Variants in TMEM209 observed in about 807,000 individuals in gnomAD.
TMEM209 encodes the protein transmembrane protein 209.
Under a neutral mutation model 76.2 loss-of-function variants are expected in TMEM209, and 65 were observed. That is an observed-to-expected ratio of 0.85 (90% CI 0.70 to 1.05). The LOEUF (loss-of-function observed/expected upper bound fraction) is 1.05. TMEM209 is among the 50% of genes least tolerant of loss of function. The pLI, the probability that TMEM209 is intolerant of heterozygous loss-of-function variation, is 0.00. For missense variants in TMEM209, 623 were observed against 685.5 expected, an observed-to-expected ratio of 0.91 and a Z score of 1.02; for synonymous variants, 239 against 237.6, an observed-to-expected ratio of 1.01 and a Z score of -0.06.
Position 130,178,653 on chromosome 7 carries a change from A to G in TMEM209, c.1121-126T>C, listed in dbSNP as rs144985038. On this transcript the variant is annotated intron_variant, in intron 9 of 14. Coordinates refer to ENST00000397622, the MANE Select transcript of TMEM209 (RefSeq NM_032842.4). ...TACCTTCAGGTCTTCATACAAGTCA[A>G]TGACGTCTCCCCTGACGACCCTACC... 2.9e-4 allele frequency: 319 copies of G among 1,092,854 alleles called. No individual in the cohort carries two copies. In the East Asian group the frequency reaches 7.2e-3, roughly 25 times the overall value. 67.7% of individuals were successfully genotyped at this position (1,092,854 alleles called of 1,614,324 possible).
intron 1 of TMEM209, 62 bp downstream of exon 1, chr7:130,205,311 G>C: frequency 1.2e-6 from 2 of 1,613,604 alleles, no homozygotes; most frequent in Non-Finnish European, 8.5e-7. Context: ...AGCAGGCGCG[G>C]AACTCCCACA....
intron 5 of TMEM209, among the ~76,000 whole-genome samples, chr7:130,199,566 T>C (rs973150421): frequency 1.7e-4 from 26 of 152,164 alleles, no homozygotes; most frequent in African/African-American, 5.8e-4. Context: ...TCTTTTAAGA[T>C]TTTAAAAAAA....
At chr7:130,182,310 T>C (rs542701346) in intron 8 of TMEM209, among the ~76,000 whole-genome samples, 1 of 152,326 alleles carries the variant, frequency 6.6e-6, no homozygotes, top group African/African-American at 2.4e-5. Flanking sequence ...AACTTTTAGC[T>C]ATATGTTAAA....
chr7:130,184,309 AATC>A, intron 7 of TMEM209, 54 bp from the exon 8 acceptor site: 2 of 1,302,782 alleles, frequency 1.5e-6, no homozygotes, highest in Non-Finnish European at 2.1e-6. Flanking sequence ...TCTTGATAGA[AATC>A]ATCATTCTTT....
chr7:130,198,343 G>A (rs1798063247), intron 5 of TMEM209, among the ~76,000 whole-genome samples: 1 of 152,100 alleles, frequency 6.6e-6, no homozygotes, highest in African/African-American at 2.4e-5. Flanking sequence ...GGGCGAGGTG[G>A]CTCATGCCTG....
At chr7:130,175,424 T>C (rs1797200892) in intron 11 of TMEM209, 88 bp downstream of exon 11, 2 of 1,247,826 alleles carry the variant, frequency 1.6e-6, no homozygotes, top group Non-Finnish European at 2.3e-6. Context: ...ACTGTGCCAC[T>C]GCACTACAGC....
At chr7:130,173,788 G>GA in intron 12 of TMEM209, 37 bp downstream of exon 12, 1 of 1,604,554 alleles carries the variant, frequency 6.2e-7, no homozygotes, top group Non-Finnish European at 8.5e-7. Context: ...TATTTTGTGT[G>GA]AAAATCTCAA....
chr7:130,168,607 C>T (rs1266702598), intron 14 of TMEM209, among the ~76,000 whole-genome samples: 1 of 152,050 alleles, frequency 6.6e-6, no homozygotes, highest in Non-Finnish European at 1.5e-5. Flanking sequence ...CCAAGATATG[C>T]CATAAGCCTA....
rs746330873 is a variant in TMEM209 at position 130,205,403 on chromosome 7, C to G, written c.-28G>C. The G allele has an allele frequency of 1.2e-6, 2 of 1,613,680 alleles. No homozygotes were observed. Among genetic ancestry groups the G allele is most frequent in the Admixed American group, 3.3e-5 (2 of 60,014 alleles). ...CCTCTGGCCGGAAAACGCAGGCTCG[C>G]GCCACTCTCTCTGGGCATGCGCAAA... On this transcript the variant is annotated 5_prime_UTR_variant, in exon 1 of 15. Coordinates refer to ENST00000397622, the MANE Select transcript of TMEM209 (RefSeq NM_032842.4).
At chr7:130,189,999 C>G (rs924154525) in intron 6 of TMEM209, among the ~76,000 whole-genome samples, 1 of 152,032 alleles carries the variant, frequency 6.6e-6, no homozygotes, top group Non-Finnish European at 1.5e-5. Flanking sequence ...AAAGGTGGCG[C>G]GGGCAGGGGG....
chr7:130,192,961 G>T, intron 5 of TMEM209, 138 bp from the exon 6 acceptor site: 1 of 757,458 alleles, frequency 1.3e-6, no homozygotes, highest in Non-Finnish European at 2.1e-6. Context: ...ATGAGGTTGT[G>T]GAACAACAGA....
Position 130,202,667 on chromosome 7 carries a change from G to C in TMEM209, c.200-4C>G, listed in dbSNP as rs778286153. On this transcript the variant is annotated splice_polypyrimidine_tract_variant and splice_region_variant and intron_variant, in intron 3 of 14. Transcript: ENST00000397622. ...AAGAGAGATGCAAGGGCAAGCTCTG[G>C]AAGAGAACAATTTTTTTTTAATAAG... 2 of 1,609,668 alleles carry C rather than the reference G, an allele frequency of 1.2e-6. No individual in the cohort carries two copies. The highest frequency in any genetic ancestry group is 4.5e-5 in the East Asian group (2 of 44,810).
chr7:130,190,979 C>CA lies in TMEM209; in HGVS notation c.775+1642dup, dbSNP rs202081053. On this transcript the variant is annotated intron_variant, in intron 6 of 14. Transcript: ENST00000397622. Reference sequence around the variant, plus strand: ...CCACTGCAACAGTGAGACCTAGTCTCAAAAAAAAAAAAAAAGTTTGATGGG... The same window carrying CA: ...CCACTGCAACAGTGAGACCTAGTCTCAAAAAAAAAAAAAAAAGTTTGATGGG... Among the ~76,000 whole-genome samples the CA allele has an allele frequency of 8.9e-3, 837 of 93,796 alleles. 7 individuals carry two copies. Among genetic ancestry groups the CA allele is most frequent in the African/African-American group, 0.022 (542 of 24,812 alleles). The allele number at this position is 93,796 out of a possible 152,430, so 61.5% of individuals were successfully genotyped here. A position where few individuals can be genotyped will look rare whatever the true frequency, so the allele number is the denominator to read the frequency against.
chr7:130,186,725 A>C (rs1167106023), intron 6 of TMEM209, among the ~76,000 whole-genome samples: 104 of 152,186 alleles, frequency 6.8e-4, no homozygotes, highest in Non-Finnish European at 1.4e-3. Flanking sequence ...AAGCAAAGAA[A>C]AAATGTACAT....
intron 8 of TMEM209, among the ~76,000 whole-genome samples, chr7:130,183,163 A>G (rs61229871): frequency 0.022 from 3,373 of 152,312 alleles, 122 homozygotes; most frequent in African/African-American, 0.076. Context: ...AGACTAGCCT[A>G]TAACAGAAAC....
intron 6 of TMEM209, among the ~76,000 whole-genome samples, chr7:130,190,499 C>G (rs541980227): frequency 6.9e-6 from 1 of 144,990 alleles, no homozygotes; most frequent in African/African-American, 2.6e-5. Context: ...GCCTGGGCGA[C>G]AGAGCCAAGA....
At chr7:130,192,396 G>A (rs1342324077) in intron 6 of TMEM209, 1 of 500,570 alleles carries the variant, frequency 2.0e-6, no homozygotes, top group Non-Finnish European at 3.6e-6. Flanking sequence ...ATACGAAAAA[G>A]CTTTCAATCT....
chr7:130,202,719 A>T, intron 3 of TMEM209, 56 bp from the exon 4 acceptor site: 1 of 1,560,758 alleles, frequency 6.4e-7, no homozygotes, highest in Admixed American at 2.0e-5. Context: ...TCTATTGGAG[A>T]ACACAAAAAC....
intron 5 of TMEM209, among the ~76,000 whole-genome samples, chr7:130,197,079 C>A (rs951244189): frequency 1.3e-5 from 2 of 152,076 alleles, no homozygotes; most frequent in African/African-American, 4.8e-5. Context: ...CAAACAAACA[C>A]CACACAGTGT....
Sources: allele counts gnomAD v4.1 joint callset (sites outside exome capture counted in the v4.1 genomes callset), GRCh38; gene constraint gnomAD v4.1.1; transcripts MANE v1.5; gene names NCBI Gene and HGNC (gene_info 2026-07-23, HGNC 2026-07-21).